ZNF804B: variants seen among roughly 807,000 people sequenced by gnomAD.
ZNF804B encodes the protein zinc finger 804B.
A neutral mutation model predicts 101.4 loss-of-function variants in ZNF804B; 80 were observed. That is an observed-to-expected ratio of 0.79 (90% CI 0.66 to 0.95). The LOEUF (loss-of-function observed/expected upper bound fraction) is 0.95, where lower values mean the gene tolerates loss of function less well. Among genes scored for constraint, ZNF804B ranks in the 40% least tolerant of loss-of-function variants. The pLI is 0.00. For missense variants in ZNF804B, 1,673 were observed against 1,561.9 expected (o/e 1.07, Z -1.20); for synonymous variants, 622 against 558.8 (o/e 1.11, Z -1.59).
intron 1 of ZNF804B, among the ~76,000 whole-genome samples, chr7:88,974,108 C>A (rs1052913598): frequency 6.6e-6 from 1 of 151,186 alleles, no homozygotes; most frequent in Non-Finnish European, 1.5e-5. Flanking sequence ...TATAGGGATT[C>A]CCGAAGTGGC....
intron 1 of ZNF804B, among the ~76,000 whole-genome samples, chr7:88,804,612 A>G (rs1790656859): frequency 6.8e-6 from 1 of 146,258 alleles, no homozygotes; most frequent in Admixed American, 6.8e-5. Context: ...TTATTTTTTT[A>G]TGACTTAAAA....
intron 2 of ZNF804B, among the ~76,000 whole-genome samples, chr7:89,257,549 A>G (rs761065749): frequency 6.6e-6 from 1 of 151,890 alleles, no homozygotes; most frequent in Non-Finnish European, 1.5e-5. Context: ...AGGAGTCACT[A>G]CTCTTTGTAT....
intron 1 of ZNF804B, among the ~76,000 whole-genome samples, chr7:88,765,155 C>T (rs1789961896): frequency 1.3e-5 from 2 of 152,044 alleles, no homozygotes; most frequent in Admixed American, 6.6e-5. Flanking sequence ...ATAATTTTGG[C>T]TTTTATTAGA....
intron 1 of ZNF804B, among the ~76,000 whole-genome samples, chr7:88,955,838 C>T (rs1281687502): frequency 1.3e-5 from 2 of 151,424 alleles, no homozygotes; most frequent in African/African-American, 4.8e-5. Flanking sequence ...AGAAAATATT[C>T]GCAAACTACT....
intron 1 of ZNF804B, among the ~76,000 whole-genome samples, chr7:89,073,569 A>G (rs961545782): frequency 1.3e-5 from 2 of 152,064 alleles, no homozygotes; most frequent in Non-Finnish European, 2.9e-5. Flanking sequence ...ATGTTGATAG[A>G]TTCTTATTTT....
intron 1 of ZNF804B, among the ~76,000 whole-genome samples, chr7:89,050,317 C>G (rs747933668): frequency 1.1e-4 from 16 of 146,206 alleles, no homozygotes; most frequent in Non-Finnish European, 1.8e-4. Flanking sequence ...TTATTGCCAC[C>G]TAAGAAAGCA....
intron 2 of ZNF804B, among the ~76,000 whole-genome samples, chr7:89,255,614 T>C (rs1201099103): frequency 6.6e-6 from 1 of 152,058 alleles, no homozygotes; most frequent in African/African-American, 2.4e-5. Flanking sequence ...CAAATAAATA[T>C]CATGTAGATT....
chr7:88,936,136 G>A (rs1010313939), intron 1 of ZNF804B, among the ~76,000 whole-genome samples: 1 of 145,346 alleles, frequency 6.9e-6, no homozygotes, highest in African/African-American at 2.6e-5. Flanking sequence ...TATGCCTGTG[G>A]TCCTAGAATA....
chr7:89,001,023 A>G (rs117449140), intron 1 of ZNF804B, among the ~76,000 whole-genome samples: 286 of 146,816 alleles, frequency 1.9e-3, no homozygotes, highest in Admixed American at 3.6e-3. Context: ...GTATAATATA[A>G]TATATAATAT....
At chr7:89,159,136 A>G (rs1339182482) in intron 1 of ZNF804B, among the ~76,000 whole-genome samples, 1 of 152,152 alleles carries the variant, frequency 6.6e-6, no homozygotes, top group Non-Finnish European at 1.5e-5. Context: ...AATCTCCTGG[A>G]TGATTCTTTG....
At chr7:88,880,994 C>T (rs1792021465) in intron 1 of ZNF804B, among the ~76,000 whole-genome samples, 1 of 151,976 alleles carries the variant, frequency 6.6e-6, no homozygotes, top group Non-Finnish European at 1.5e-5. Context: ...AACCATTGCA[C>T]AAAAGGCATC....
intron 1 of ZNF804B, among the ~76,000 whole-genome samples, chr7:89,127,339 C>T (rs1790487899): frequency 1.3e-5 from 2 of 151,728 alleles, no homozygotes; most frequent in South Asian, 4.2e-4. Flanking sequence ...CTTCTTATAA[C>T]ATTGGAAGAG....
chr7:88,997,030 G>A (rs1299499904), intron 1 of ZNF804B, among the ~76,000 whole-genome samples: 1 of 152,062 alleles, frequency 6.6e-6, no homozygotes, highest in Non-Finnish European at 1.5e-5. Flanking sequence ...TGTAAAAATT[G>A]AATTACTTCT....
intron 2 of ZNF804B, among the ~76,000 whole-genome samples, chr7:89,256,844 C>A (rs1359851205): frequency 6.6e-6 from 1 of 152,126 alleles, no homozygotes; most frequent in Non-Finnish European, 1.5e-5. Context: ...ACAACAGAGG[C>A]CTTTATGGCA....
At chr7:89,067,604 G>A (rs1789472715) in intron 1 of ZNF804B, among the ~76,000 whole-genome samples, 3 of 152,100 alleles carry the variant, frequency 2.0e-5, no homozygotes, top group African/African-American at 7.2e-5. Flanking sequence ...GGAACAGTGA[G>A]AGTTGGAAGA....
At chr7:88,829,632 T>TA (rs1325881796) in intron 1 of ZNF804B, among the ~76,000 whole-genome samples, 2 of 152,070 alleles carry the variant, frequency 1.3e-5, no homozygotes, top group African/African-American at 4.8e-5. Flanking sequence ...CAATTAAAGA[T>TA]AAAAAAGAGA....
chr7:89,269,500 T>G (rs1789850717), intron 2 of ZNF804B, among the ~76,000 whole-genome samples: 1 of 152,214 alleles, frequency 6.6e-6, no homozygotes, highest in African/African-American at 2.4e-5. Flanking sequence ...TCTTTGCTGT[T>G]GTGAATAGTG....
In ZNF804B at chr7:89,111,204, T is replaced by G. The variant is rs1337460373; in HGVS notation, c.109-106951T>G. Among the ~76,000 whole-genome samples, 4 of 152,228 alleles carry G rather than the reference T, an allele frequency of 2.6e-5. No homozygotes were observed. In the South Asian group the frequency reaches 6.2e-4, roughly 24 times the overall value. On this transcript the variant is annotated intron_variant, in intron 1 of 3. Coordinates refer to ENST00000333190, the MANE Select transcript of ZNF804B (RefSeq NM_181646.5). ...CTATAAACATTTGTGTGAAGGTTTTTGTATGGACATAAAAGTATTTTTAAA... is the reference window on the plus strand; with the variant it reads ...CTATAAACATTTGTGTGAAGGTTTTGGTATGGACATAAAAGTATTTTTAAA...
intron 1 of ZNF804B, among the ~76,000 whole-genome samples, chr7:88,820,616 A>G (rs188606751): frequency 4.1e-4 from 62 of 152,254 alleles, no homozygotes; most frequent in Non-Finnish European, 8.2e-4. Context: ...TGAAGGGAAA[A>G]GTGAGTGGGA....
Sources: gnomAD v4.1 joint callset for allele counts (sites outside exome capture counted in the v4.1 genomes callset) on GRCh38, gnomAD v4.1.1 for gene constraint, MANE v1.5 for transcripts, NCBI Gene and HGNC (gene_info 2026-07-23, HGNC 2026-07-21) for gene names.